The following ACER3 variants were observed in gnomAD, a reference collection of about 807,000 sequenced individuals.
ACER3 encodes alkaline ceramidase 3, also known as alkCDase 3.
A neutral mutation model predicts 48.9 loss-of-function variants in ACER3; 16 were observed. That is an observed-to-expected ratio of 0.33 (90% CI 0.22 to 0.50). The LOEUF is 0.50. ACER3 is among the 20% of genes least tolerant of loss of function. The pLI is 0.98. For synonymous variants in ACER3, 109 were observed against 107.8 expected (o/e 1.01, Z -0.07); for missense variants, 227 against 326.0 (o/e 0.70, Z 2.34).
At chr11:76,952,167 CATAT>C (rs1364591609) in intron 2 of ACER3, among the ~76,000 whole-genome samples, 1 of 150,234 alleles carries the variant, frequency 6.7e-6, no homozygotes, top group Non-Finnish European at 1.5e-5. Flanking sequence ...CACACACACA[CATAT>C]AAATATGAAA....
chr11:76,974,107 G>A (rs536263562), intron 3 of ACER3, among the ~76,000 whole-genome samples: 1 of 152,256 alleles, frequency 6.6e-6, no homozygotes, highest in Admixed American at 6.5e-5. Context: ...TTACCACATA[G>A]CCTTAATTAC....
intron 3 of ACER3, among the ~76,000 whole-genome samples, chr11:76,966,181 T>G (rs1232810188): frequency 6.6e-6 from 1 of 152,118 alleles, no homozygotes; most frequent in East Asian, 1.9e-4. Context: ...TAAACAGACT[T>G]TAAACCAACA....
intron 4 of ACER3, among the ~76,000 whole-genome samples, chr11:76,979,469 T>C (rs767647995): frequency 1.2e-4 from 19 of 152,062 alleles, no homozygotes; most frequent in Non-Finnish European, 2.5e-4. Flanking sequence ...CTGGCCAACA[T>C]GGTGAAAACC....
chr11:76,901,996 C>T (rs1221335416), intron 1 of ACER3, among the ~76,000 whole-genome samples: 3 of 152,048 alleles, frequency 2.0e-5, no homozygotes, highest in Non-Finnish European at 4.4e-5. Flanking sequence ...CCCTTCCTGC[C>T]TTAAATCCTG....
intron 1 of ACER3, among the ~76,000 whole-genome samples, chr11:76,874,558 T>C (rs183301892): frequency 2.1e-4 from 32 of 152,366 alleles, no homozygotes; most frequent in African/African-American, 7.7e-4. Context: ...TTAGTAAATG[T>C]GGTTAATATC....
rs76066687 is a variant in ACER3, at chr11:76,954,506, C to T, written c.215-4473C>T. On this transcript the variant is annotated intron_variant, in intron 2 of 10. Coordinates refer to ENST00000532485, the MANE Select transcript of ACER3 (RefSeq NM_018367.7). ...GACAGCCCTCTTTTGACCCCCTAGA[C>T]GAGGTAATAACATTATTCTTTGCAT... Among the ~76,000 whole-genome samples, 110 of 152,092 alleles carry T rather than the reference C, an allele frequency of 7.2e-4. 5 individuals are homozygous for T. The East Asian group carries it at 0.02, about 28-fold the overall frequency.
intron 7 of ACER3, chr11:77,011,409 C>A (rs1949261617): frequency 3.1e-6 from 3 of 980,584 alleles, no homozygotes; most frequent in Non-Finnish European, 3.6e-6. Flanking sequence ...ACAGATAGCA[C>A]CCTACCCCCA....
intron 7 of ACER3, among the ~76,000 whole-genome samples, chr11:77,014,625 A>G (rs1387544784): frequency 1.3e-5 from 2 of 152,224 alleles, no homozygotes; most frequent in Non-Finnish European, 2.9e-5. Context: ...GTACTTTCCC[A>G]ATACATTTAT....
chr11:76,954,591 GTT>G (rs35706097), intron 2 of ACER3, among the ~76,000 whole-genome samples: 5 of 143,606 alleles, frequency 3.5e-5, no homozygotes, highest in Admixed American at 6.8e-5. Flanking sequence ...GGTTTGGTTG[GTT>G]TTTTTTTTTG....
rs575045221 is a variant in ACER3 at position 77,025,412 on chromosome 11, T to TATATATATA, written c.*5085_*5086insATATATATA. On this transcript the variant is annotated 3_prime_UTR_variant, in exon 11 of 11. Coordinates refer to ENST00000532485, the MANE Select transcript of ACER3 (RefSeq NM_018367.7). ...ATTCTTTATATATATATATATATAT[T>TATATATATA]TATTTATTTTTTTGAGACAGAGTCT... 66 of 69,244 alleles carry TATATATATA rather than the reference T, an allele frequency of 9.5e-4. 3 individuals carry two copies. The highest frequency in any genetic ancestry group is 6.9e-3 in the Middle Eastern group (1 of 144). The allele number at this position is 69,244 out of a possible 1,614,324, so 4.3% of individuals were successfully genotyped here.
chr11:77,002,632 C>T (rs981212095), intron 7 of ACER3, among the ~76,000 whole-genome samples: 1 of 152,136 alleles, frequency 6.6e-6, no homozygotes, highest in South Asian at 2.1e-4. Flanking sequence ...GGAAATGTTG[C>T]TCCCTTCTAT....
At chr11:76,962,368 C>T (rs1312251354) in intron 3 of ACER3, among the ~76,000 whole-genome samples, 1 of 150,596 alleles carries the variant, frequency 6.6e-6, no homozygotes, top group Non-Finnish European at 1.5e-5. Context: ...TATAAGCACC[C>T]GCCACCATGC....
At chr11:76,912,009 T>G (rs1415061744) in intron 1 of ACER3, among the ~76,000 whole-genome samples, 1 of 152,120 alleles carries the variant, frequency 6.6e-6, no homozygotes, top group African/African-American at 2.4e-5. Flanking sequence ...TATGAACAAA[T>G]AAATATTTTT....
chr11:76,890,105 A>G (rs2134617393), intron 1 of ACER3, among the ~76,000 whole-genome samples: 1 of 152,112 alleles, frequency 6.6e-6, no homozygotes, highest in Middle Eastern at 3.4e-3. Flanking sequence ...GAAATCTTTG[A>G]GACCATCTTG....
chr11:76,980,142 A>G lies in ACER3; in HGVS notation c.320+3801A>G, dbSNP rs117052651. On this transcript the variant is annotated intron_variant, in intron 4 of 10. Coordinates refer to ENST00000532485, the MANE Select transcript of ACER3 (RefSeq NM_018367.7). ...AACAGAGGGAGACCCTGTCTCAAGA[A>G]AAACAAAAACCAATACCAAACTAAC... Among the ~76,000 whole-genome samples, 965 of 152,290 alleles carry G rather than the reference A, an allele frequency of 6.3e-3. 5 individuals are homozygous for G. Among genetic ancestry groups the G allele is most frequent in the Middle Eastern group, 0.017 (5 of 294 alleles).
At chr11:76,966,084 C>G (rs1316072732) in intron 3 of ACER3, among the ~76,000 whole-genome samples, 1 of 151,454 alleles carries the variant, frequency 6.6e-6, no homozygotes, top group Non-Finnish European at 1.5e-5. Flanking sequence ...CAGAGACACA[C>G]ATAGGCTCAA....
chr11:76,881,254 CA>C (rs5792745), intron 1 of ACER3, among the ~76,000 whole-genome samples: 73,540 of 116,368 alleles, frequency 0.63, 22,050 homozygotes, highest in Non-Finnish European at 0.73. Context: ...GATAATGTCT[CA>C]AAAAAAAAAA....
chr11:77,019,474 T>C, intron 9 of ACER3: 1 of 402,530 alleles, frequency 2.5e-6, no homozygotes, highest in South Asian at 3.8e-5. Flanking sequence ...AAAAGAATTA[T>C]GCTAAATATA....
intron 7 of ACER3, 56 bp downstream of exon 7, chr11:76,998,877 T>A: frequency 7.4e-7 from 1 of 1,357,644 alleles, no homozygotes; most frequent in Non-Finnish European, 1.0e-6. Context: ...CCTATAACAG[T>A]AAATCTATAG....
Sources: allele counts gnomAD v4.1 joint callset (sites outside exome capture counted in the v4.1 genomes callset), GRCh38; gene constraint gnomAD v4.1.1; transcripts MANE v1.5; gene names NCBI Gene and HGNC (gene_info 2026-07-23, HGNC 2026-07-21).